The following BCAR3 variants were observed in gnomAD, a reference collection of about 807,000 sequenced individuals.
BCAR3 encodes breast cancer anti-estrogen resistance protein 3.
BCAR3 carries 37 observed loss-of-function variants against 80.1 expected under a neutral mutation model. The ratio of observed to expected loss-of-function variants is 0.46; its 90% CI spans 0.36 to 0.61. BCAR3 has a LOEUF of 0.61. Among genes scored for constraint, BCAR3 ranks in the 20% least tolerant of loss-of-function variants. The pLI is 0.00. For synonymous variants in BCAR3, 389 were observed against 418.9 expected (o/e 0.93, Z 0.87); for missense variants, 978 against 1,068.2 (o/e 0.92, Z 1.18).
chr1:93,753,540 G>A (rs1651636217), intron 2 of BCAR3: 1 of 129,652 alleles, frequency 7.7e-6, no homozygotes, highest in Non-Finnish European at 1.6e-5. Context: ...ATATGCACGC[G>A]GGTACACACA....
intron 2 of BCAR3, among the ~76,000 whole-genome samples, chr1:93,829,275 C>T (rs1654477596): frequency 6.6e-6 from 1 of 152,032 alleles, no homozygotes; most frequent in Admixed American, 6.5e-5. Context: ...CAAATATGGC[C>T]TCCACCTGGT....
intron 2 of BCAR3, among the ~76,000 whole-genome samples, chr1:93,651,446 A>G (rs1676324232): frequency 6.6e-6 from 1 of 152,252 alleles, no homozygotes; most frequent in South Asian, 2.1e-4. Context: ...GACTGTATCT[A>G]TCTTAGGAAA....
In BCAR3 at chr1:93,575,537, C is replaced by T. The variant is rs763424526; in HGVS notation, c.1802+477G>A. Among the ~76,000 whole-genome samples the T allele has an allele frequency of 3.9e-4, 59 of 152,164 alleles. 1 individual carries two copies. Among genetic ancestry groups the T allele is most frequent in the Admixed American group, 3.7e-3 (56 of 15,280 alleles). ...CCCCTAACCTCTGACCCTATTTGTC[C>T]ACCCCTCAAAGAAAACACTGTCTAG... On this transcript the variant is annotated intron_variant, in intron 8 of 11. Transcript: ENST00000260502.
At chr1:93,763,384 G>GC (rs1351544278) in intron 2 of BCAR3, among the ~76,000 whole-genome samples, 1 of 152,182 alleles carries the variant, frequency 6.6e-6, no homozygotes, top group East Asian at 1.9e-4. Context: ...ACTGTTGAAT[G>GC]CCTACTGCAT....
chr1:93,642,375 T>C, intron 2 of BCAR3, 32 bp from the exon 3 acceptor site: 1 of 1,580,096 alleles, frequency 6.3e-7, no homozygotes, highest in Non-Finnish European at 8.7e-7. Flanking sequence ...ATGAGAATGG[T>C]TGGGAACGAT....
intron 6 of BCAR3, 150 bp downstream of exon 6, chr1:93,583,868 G>T: frequency 1.4e-6 from 1 of 709,354 alleles, no homozygotes. Context: ...CTTCGCCGCC[G>T]GATATAATTC....
chr1:93,613,936 G>T (rs751223808), intron 3 of BCAR3: 3 of 1,550,214 alleles, frequency 1.9e-6, no homozygotes, highest in Admixed American at 3.9e-5. Context: ...GGCATCTTTC[G>T]GTCTTCAGTC....
intron 2 of BCAR3, among the ~76,000 whole-genome samples, chr1:93,807,571 C>T (rs1331471201): frequency 6.6e-6 from 1 of 152,084 alleles, no homozygotes; most frequent in Non-Finnish European, 1.5e-5. Context: ...GATTAAGTCC[C>T]CCAGCTAATC....
intron 2 of BCAR3, among the ~76,000 whole-genome samples, chr1:93,738,160 G>A (rs533003105): frequency 1.3e-5 from 2 of 152,154 alleles, no homozygotes; most frequent in Non-Finnish European, 2.9e-5. Context: ...GAAGATCAGA[G>A]TTTAATTCAA....
At chr1:93,799,803 T>G (rs533539723) in intron 2 of BCAR3, among the ~76,000 whole-genome samples, 1 of 152,324 alleles carries the variant, frequency 6.6e-6, no homozygotes, top group South Asian at 2.1e-4. Context: ...CCTTGAGGCA[T>G]AACAGTCCAG....
At chr1:93,828,537 C>T (rs1654452979) in intron 2 of BCAR3, among the ~76,000 whole-genome samples, 1 of 152,154 alleles carries the variant, frequency 6.6e-6, no homozygotes, top group South Asian at 2.1e-4. Context: ...ACAGTAAGAC[C>T]AAGAAGAATC....
chr1:93,585,455 T>C (rs76341245), intron 5 of BCAR3, among the ~76,000 whole-genome samples: 32,120 of 152,122 alleles, frequency 0.21, 3,849 homozygotes, highest in African/African-American at 0.31. Context: ...AGACTTAGTC[T>C]TTTTTTCATT....
chr1:93,783,485 A>G (rs1031193265), intron 2 of BCAR3, among the ~76,000 whole-genome samples: 1 of 152,246 alleles, frequency 6.6e-6, no homozygotes, highest in Non-Finnish European at 1.5e-5. Flanking sequence ...AAAAGCATAA[A>G]TATATAGAAA....
At chr1:93,569,778 T>TG (rs927081985) in intron 9 of BCAR3, among the ~76,000 whole-genome samples, 46 of 152,084 alleles carry the variant, frequency 3.0e-4, no homozygotes, top group Admixed American at 8.5e-4. Context: ...CTACAAAGCA[T>TG]GGTAATGTGG....
At chr1:93,768,357 T>C (rs1652231352) in intron 2 of BCAR3, among the ~76,000 whole-genome samples, 1 of 151,384 alleles carries the variant, frequency 6.6e-6, no homozygotes, top group African/African-American at 2.4e-5. Flanking sequence ...ATGCCCAAGG[T>C]TGAGATAAGT....
intron 2 of BCAR3, among the ~76,000 whole-genome samples, chr1:93,829,628 G>A (rs1429498052): frequency 6.6e-6 from 1 of 151,804 alleles, no homozygotes; most frequent in Admixed American, 6.6e-5. Context: ...TGGGATTACA[G>A]GCACGAGCCA....
chr1:93,641,234 G>A (rs1164376265), intron 3 of BCAR3, among the ~76,000 whole-genome samples: 1 of 152,184 alleles, frequency 6.6e-6, no homozygotes, highest in Non-Finnish European at 1.5e-5. Context: ...TGGTTCTACT[G>A]GAGCTTCCTC....
intron 2 of BCAR3, among the ~76,000 whole-genome samples, chr1:93,755,722 C>T (rs944341204): frequency 3.4e-4 from 51 of 152,158 alleles, no homozygotes; most frequent in African/African-American, 1.0e-3. Flanking sequence ...AAGCTACACA[C>T]GACTATATAT....
intron 2 of BCAR3, among the ~76,000 whole-genome samples, chr1:93,809,791 A>G (rs1166905843): frequency 6.6e-6 from 1 of 151,556 alleles, no homozygotes; most frequent in Non-Finnish European, 1.5e-5. Flanking sequence ...AAAAAAAAAA[A>G]AAAAATCATT....
Sources: gnomAD v4.1 joint callset for allele counts (sites outside exome capture counted in the v4.1 genomes callset) on GRCh38, gnomAD v4.1.1 for gene constraint, MANE v1.5 for transcripts, NCBI Gene and HGNC (gene_info 2026-07-23, HGNC 2026-07-21) for gene names.